The following ZNF735 variants were observed in gnomAD, a reference collection of about 807,000 sequenced individuals.
The protein encoded by ZNF735 is zinc finger protein 735, also known as putative zinc finger protein 735.
ZNF735 carries 11 observed loss-of-function variants against 13.4 expected under a neutral mutation model. That is an observed-to-expected ratio of 0.82 (90% CI 0.52 to 1.36). ZNF735 has a LOEUF of 1.36. ZNF735 is among the 40% of genes most tolerant of loss of function. The pLI, the probability that ZNF735 is intolerant of heterozygous loss-of-function variation, is 0.00. For missense variants in ZNF735, 500 were observed against 484.6 expected (o/e 1.03, Z -0.30); for synonymous variants, 171 against 162.6 (o/e 1.05, Z -0.39).
intron 1 of ZNF735, among the ~76,000 whole-genome samples, chr7:64,208,255 T>C (rs1426179324): frequency 3.9e-4 from 23 of 59,346 alleles, no homozygotes; most frequent in East Asian, 2.0e-3. Flanking sequence ...TTTTTTTTTT[T>C]TTTTTTTTTT....
At chr7:64,212,801 AAAAG>A (rs1041155938) in intron 1 of ZNF735, among the ~76,000 whole-genome samples, 4 of 151,790 alleles carry the variant, frequency 2.6e-5, no homozygotes, top group African/African-American at 7.3e-5. Flanking sequence ...GAAAAAAAAA[AAAAG>A]AAAAGAAAAA....
intron 1 of ZNF735, among the ~76,000 whole-genome samples, chr7:64,212,007 G>A (rs1376351972): frequency 6.6e-6 from 1 of 152,036 alleles, no homozygotes; most frequent in Admixed American, 6.6e-5. Flanking sequence ...TAATAAAAAT[G>A]TGTCCTAATA....
intron 1 of ZNF735, among the ~76,000 whole-genome samples, chr7:64,211,032 A>C (rs375146229): frequency 6.6e-6 from 1 of 152,182 alleles, no homozygotes; most frequent in Non-Finnish European, 1.5e-5. Context: ...ATCTGTTTGG[A>C]AATTGCAAAT....
At chr7:64,214,714 C>T (rs1201333908) in intron 3 of ZNF735, among the ~76,000 whole-genome samples, 3 of 151,718 alleles carry the variant, frequency 2.0e-5, no homozygotes, top group Admixed American at 6.6e-5. Context: ...CTTCATTTTA[C>T]TCTGTTGCAT....
chr7:64,207,373 G>C, intron 1 of ZNF735, 132 bp downstream of exon 1: 1 of 1,559,424 alleles, frequency 6.4e-7, no homozygotes, highest in Non-Finnish European at 8.8e-7. Context: ...CCTTGGCCCA[G>C]TTCGGCTGTT....
exon 4 of ZNF735, chr7:64,219,688 T>C (rs2116490033): frequency 6.3e-7 from 1 of 1,588,408 alleles, no homozygotes; most frequent in East Asian, 2.3e-5. Flanking sequence ...GGAGAAGTCC[T>C]ACAAATGTGA....
chr7:64,216,052 T>C (rs1294670257), intron 3 of ZNF735, among the ~76,000 whole-genome samples: 1 of 152,100 alleles, frequency 6.6e-6, no homozygotes, highest in Non-Finnish European at 1.5e-5. Context: ...TCCCAGCACT[T>C]TGGGAGGCTG....
intron 1 of ZNF735, among the ~76,000 whole-genome samples, chr7:64,208,454 A>C (rs1490685663): frequency 6.6e-6 from 1 of 151,534 alleles, no homozygotes; most frequent in Non-Finnish European, 1.5e-5. Flanking sequence ...ACGGGATTTC[A>C]CCACGTTGGC....
exon 4 of ZNF735, chr7:64,220,193 A>G (rs1562834555): frequency 6.2e-7 from 1 of 1,613,070 alleles, no homozygotes; most frequent in Non-Finnish European, 8.5e-7. Flanking sequence ...GAGAAACCAT[A>G]CAAATGTGAA....
exon 4 of ZNF735, chr7:64,219,965 C>A (rs557277090): frequency 4.3e-6 from 7 of 1,613,910 alleles, no homozygotes; most frequent in Non-Finnish European, 5.9e-6. Flanking sequence ...TGTGGCAAAG[C>A]CTTTAGCGTA....
chr7:64,209,007 G>C (rs190968909), intron 1 of ZNF735, among the ~76,000 whole-genome samples: 140 of 152,256 alleles, frequency 9.2e-4, no homozygotes, highest in African/African-American at 3.0e-3. Flanking sequence ...TTGCTATTGT[G>C]AATCATTTTC....
chr7:64,214,177 T>C, intron 3 of ZNF735, 69 bp downstream of exon 3: 1 of 1,500,842 alleles, frequency 6.7e-7, no homozygotes, highest in East Asian at 2.3e-5. Flanking sequence ...AGCCAGTCTT[T>C]AAAATGTGGT....
chr7:64,210,291 A>T (rs1366561309), intron 1 of ZNF735, among the ~76,000 whole-genome samples: 2 of 152,284 alleles, frequency 1.3e-5, no homozygotes, highest in African/African-American at 2.4e-5. Flanking sequence ...CCAACAAAAA[A>T]ATATAGCATT....
intron 3 of ZNF735, among the ~76,000 whole-genome samples, chr7:64,218,191 G>C (rs1303953305): frequency 2.0e-5 from 3 of 150,316 alleles, no homozygotes; most frequent in Non-Finnish European, 3.0e-5. Flanking sequence ...ATTTTTGCTG[G>C]TTATATTTTC....
Position 64,213,357 on chromosome 7 carries a change from T to A in ZNF735, c.166+139T>A, listed in dbSNP as rs187422246. The A allele has an allele frequency of 2.4e-5, 21 of 875,044 alleles. No individual in the cohort carries two copies. In the African/African-American group the frequency reaches 2.6e-4, roughly 11 times the overall value. 54.2% of individuals were successfully genotyped at this position (875,044 alleles called of 1,614,324 possible). On this transcript the variant is annotated intron_variant, in intron 2 of 3. Coordinates refer to ENST00000429565, the Ensembl canonical transcript of ZNF735. ...AATCTTGGGGATTCATTGGTGTAGA[T>A]TAAATTCTTCAAGATGTTTTATCTT...
chr7:64,219,287 G>A (rs1787457796), intron 3 of ZNF735, 27 bp from the exon 4 acceptor site: 8 of 1,601,504 alleles, frequency 5.0e-6, no homozygotes, highest in Non-Finnish European at 5.1e-6. Context: ...AGTAAGTGGA[G>A]TAACTTGTGA....
chr7:64,210,272 T>C (rs1787340057), intron 1 of ZNF735, among the ~76,000 whole-genome samples: 2 of 152,206 alleles, frequency 1.3e-5, no homozygotes, highest in African/African-American at 2.4e-5. Context: ...CTCTGTAAAC[T>C]TAAAAAAGCC....
chr7:64,214,631 T>C (rs1292992823), intron 3 of ZNF735, among the ~76,000 whole-genome samples: 2 of 152,032 alleles, frequency 1.3e-5, no homozygotes, highest in Admixed American at 1.3e-4. Context: ...TAATTTTATA[T>C]ACGTATTTAT....
At chr7:64,213,353 T>A in intron 2 of ZNF735, 135 bp downstream of exon 2, 1 of 884,278 alleles carries the variant, frequency 1.1e-6, no homozygotes, top group Non-Finnish European at 1.7e-6. Context: ...TTCATTGGTG[T>A]AGATTAAATT....
Sources: gnomAD v4.1 joint callset for allele counts (sites outside exome capture counted in the v4.1 genomes callset) on GRCh38, gnomAD v4.1.1 for gene constraint, MANE v1.5 for transcripts, NCBI Gene and HGNC (gene_info 2026-07-23, HGNC 2026-07-21) for gene names.